The following SETBP1 variants were observed in gnomAD, a reference collection of about 807,000 sequenced individuals.
SETBP1 encodes SET-binding protein.
Under a neutral mutation model 101.0 loss-of-function variants are expected in SETBP1, and 9 were observed. The observed-to-expected ratio is 0.09, with a 90% confidence interval of 0.05 to 0.16. SETBP1 has a LOEUF of 0.16. Among genes scored for constraint, SETBP1 ranks in the 10% least tolerant of loss-of-function variants. The pLI is 1.00. For synonymous variants in SETBP1, 818 were observed against 788.5 expected (o/e 1.04, Z -0.63); for missense variants, 1,858 against 2,033.8 (o/e 0.91, Z 1.66).
chr18:44,743,779 G>A lies in SETBP1; in HGVS notation c.486+41947G>A, dbSNP rs548382714. 1.1e-4 allele frequency among the ~76,000 whole-genome samples: 16 copies of A among 152,258 alleles called. No homozygotes were observed. The South Asian group carries it at 3.3e-3, about 32-fold the overall frequency. On this transcript the variant is annotated intron_variant, in intron 2 of 5. Transcript: ENST00000649279. The stretch of plus-strand genomic sequence containing the variant: ...TTTTATTCTGCTCTACCCATGGACA[G>A]CTGCCCAACATAGCCACACCTCACC...
chr18:45,038,478 T>A lies in SETBP1; in HGVS notation c.4001-7T>A, dbSNP rs767918557. ...TGACTGAAAGCTTTGGGGTTGTTATTTTTTAGGGATGCCAAGTCCCCACTT... is the reference window on the plus strand; with the variant it reads ...TGACTGAAAGCTTTGGGGTTGTTATATTTTAGGGATGCCAAGTCCCCACTT... On this transcript the variant is annotated splice_region_variant and splice_polypyrimidine_tract_variant and intron_variant, in intron 4 of 5. Transcript: ENST00000649279. 6.2e-6 allele frequency: 10 copies of A among 1,613,918 alleles called. No homozygotes were observed. The highest frequency in any genetic ancestry group is 6.8e-6 in the Non-Finnish European group (8 of 1,179,956).
At chr18:44,890,741 A>G (rs2069749509) in intron 3 of SETBP1, among the ~76,000 whole-genome samples, 1 of 152,052 alleles carries the variant, frequency 6.6e-6, no homozygotes, top group African/African-American at 2.4e-5. Context: ...TTTGCATTTT[A>G]TTTTTGAATA....
At chr18:44,728,597 G>A (rs73952920) in intron 2 of SETBP1, among the ~76,000 whole-genome samples, 1 of 152,298 alleles carries the variant, frequency 6.6e-6, no homozygotes, top group African/African-American at 2.4e-5. Flanking sequence ...ACAAGCTTGA[G>A]TCAGATAGGC....
At chr18:44,887,360 C>T (rs1017355308) in intron 3 of SETBP1, among the ~76,000 whole-genome samples, 7 of 152,120 alleles carry the variant, frequency 4.6e-5, no homozygotes, top group Non-Finnish European at 1.0e-4. Flanking sequence ...CCAGAAATTA[C>T]AACTCCTTTA....
chr18:44,908,784 A>G (rs1283139240), intron 3 of SETBP1, among the ~76,000 whole-genome samples: 2 of 152,202 alleles, frequency 1.3e-5, no homozygotes, highest in African/African-American at 4.8e-5. Flanking sequence ...TTTCTCACGT[A>G]TTTAAAAAGA....
intron 3 of SETBP1, among the ~76,000 whole-genome samples, chr18:44,919,205 A>G (rs1371555255): frequency 1.3e-5 from 2 of 152,196 alleles, no homozygotes; most frequent in Admixed American, 1.3e-4. Context: ...TAAGAGAATT[A>G]AGGAATTAAC....
At chr18:45,021,568 A>G (rs920982890) in intron 4 of SETBP1, among the ~76,000 whole-genome samples, 1 of 152,240 alleles carries the variant, frequency 6.6e-6, no homozygotes, top group Non-Finnish European at 1.5e-5. Context: ...AATGAGCATT[A>G]TAGGAAATTT....
chr18:44,975,380 A>G (rs2071963185), intron 4 of SETBP1, among the ~76,000 whole-genome samples: 1 of 152,216 alleles, frequency 6.6e-6, no homozygotes, highest in Non-Finnish European at 1.5e-5. Context: ...GCCCTACACT[A>G]AAAGAAATTC....
rs2073992825 is a variant in SETBP1, at chr18:45,068,133, C to T, written c.*4435C>T. 6.6e-6 allele frequency: 1 copy of T among 152,034 alleles called. No homozygotes were observed. Among genetic ancestry groups the T allele is most frequent in the South Asian group, 2.1e-4 (1 of 4,816 alleles). 9.4% of individuals were successfully genotyped at this position (152,034 alleles called of 1,614,324 possible). On this transcript the variant is annotated 3_prime_UTR_variant, in exon 6 of 6. Coordinates refer to ENST00000649279, the MANE Select transcript of SETBP1 (RefSeq NM_015559.3). ...TTTTTTAAAGTGTAATTTGCATGTTCTACTTTGATTGTATGTAAACATATT... is the reference window on the plus strand; with the variant it reads ...TTTTTTAAAGTGTAATTTGCATGTTTTACTTTGATTGTATGTAAACATATT...
At chr18:45,053,931 A>T (rs186338193) in intron 5 of SETBP1, among the ~76,000 whole-genome samples, 5 of 152,344 alleles carry the variant, frequency 3.3e-5, no homozygotes, top group Admixed American at 2.0e-4. Flanking sequence ...GCCCTTTGAG[A>T]GGGTGCAACC....
Position 45,063,741 on chromosome 18 carries a change from C to T in SETBP1, c.*43C>T. The T allele has an allele frequency of 1.3e-6, 2 of 1,578,318 alleles. No homozygotes were observed. The highest frequency in any genetic ancestry group is 1.7e-6 in the Non-Finnish European group (2 of 1,162,370). On this transcript the variant is annotated 3_prime_UTR_variant, in exon 6 of 6. Coordinates refer to ENST00000649279, the MANE Select transcript of SETBP1 (RefSeq NM_015559.3). ...GCACCTGGGGCCTAGGGAACTGACA[C>T]GTGGGAAGCGCAGTGAGCCGGGGCG...
intron 4 of SETBP1, chr18:44,988,837 A>G (rs1274335076): frequency 1.3e-5 from 2 of 152,232 alleles, no homozygotes; most frequent in African/African-American, 4.8e-5. Flanking sequence ...TAATCTCAAG[A>G]CAGTTCTCAT....
intron 2 of SETBP1, among the ~76,000 whole-genome samples, chr18:44,823,922 T>G (rs2072174375): frequency 6.6e-6 from 1 of 152,206 alleles, no homozygotes; most frequent in African/African-American, 2.4e-5. Context: ...AAAACAATAG[T>G]TGGTGAATCC....
intron 4 of SETBP1, among the ~76,000 whole-genome samples, chr18:44,968,374 A>G (rs1296183899): frequency 6.6e-6 from 1 of 152,232 alleles, no homozygotes; most frequent in Non-Finnish European, 1.5e-5. Context: ...AGCAAATATA[A>G]TAATTAAATG....
chr18:44,688,169 G>T (rs1271381842), intron 1 of SETBP1, among the ~76,000 whole-genome samples: 1 of 152,144 alleles, frequency 6.6e-6, no homozygotes, highest in Non-Finnish European at 1.5e-5. Flanking sequence ...AAGGATTTGG[G>T]ATGAAAAAGG....
intron 2 of SETBP1, among the ~76,000 whole-genome samples, chr18:44,742,996 T>C (rs1409962875): frequency 1.3e-5 from 2 of 148,886 alleles, no homozygotes; most frequent in African/African-American, 2.5e-5. Flanking sequence ...TACCCCTTTC[T>C]GTCTCACTCC....
intron 2 of SETBP1, among the ~76,000 whole-genome samples, chr18:44,703,988 C>T (rs1438295141): frequency 6.6e-6 from 1 of 152,036 alleles, no homozygotes; most frequent in Non-Finnish European, 1.5e-5. Flanking sequence ...TAATGGTTAC[C>T]CTTTGTCTCC....
At chr18:44,691,137 T>G (rs2068924647) in intron 1 of SETBP1, among the ~76,000 whole-genome samples, 1 of 152,184 alleles carries the variant, frequency 6.6e-6, no homozygotes, top group African/African-American at 2.4e-5. Context: ...TACCTCATGA[T>G]GTCAAACTAA....
chr18:44,957,383 A>T (rs1395513662), intron 4 of SETBP1, among the ~76,000 whole-genome samples: 4 of 48,840 alleles, frequency 8.2e-5, no homozygotes, highest in Non-Finnish European at 1.2e-4. Flanking sequence ...TCAGATAATT[A>T]AAAAAAAAAA....
Sources: gnomAD v4.1 joint callset for allele counts (sites outside exome capture counted in the v4.1 genomes callset) on GRCh38, gnomAD v4.1.1 for gene constraint, MANE v1.5 for transcripts, NCBI Gene and HGNC (gene_info 2026-07-23, HGNC 2026-07-21) for gene names.